Variants in ARHGEF10L observed in about 807,000 individuals in gnomAD.
ARHGEF10L encodes the protein Rho guanine nucleotide exchange factor 10 like, also known as rho guanine nucleotide exchange factor 10-like protein.
ARHGEF10L carries 69 observed loss-of-function variants against 141.2 expected under a neutral mutation model. The observed-to-expected ratio is 0.49, with a 90% CI of 0.40 to 0.60. The LOEUF (loss-of-function observed/expected upper bound fraction) is 0.60. Ranked by LOEUF, ARHGEF10L falls within the 20% of genes least tolerant of loss-of-function variation. The pLI is 0.00. For synonymous variants in ARHGEF10L, 711 were observed against 718.5 expected (o/e 0.99, Z 0.17); for missense variants, 1,482 against 1,734.3 (o/e 0.85, Z 2.58).
rs2080743755 is a variant in ARHGEF10L at position 17,602,152 on chromosome 1, G to T, written c.283G>T (p.Asp95Tyr). 3 of 1,579,822 alleles carry T rather than the reference G, an allele frequency of 1.9e-6. No individual in the cohort carries two copies. The East Asian group carries it at 7.0e-5, about 37-fold the overall frequency. The change falls in exon 5 of 29, where the codon GAT becomes TAT. Residue 95 changes from aspartate (D) to tyrosine (Y), a missense_variant. Asp to Tyr is a radical substitution (Grantham distance 160). This residue lies in a region of ARHGEF10L where 232 missense variants were observed against 225.9 expected (regional missense o/e 1.03). Transcript: ENST00000361221. ...TGVPAWVSNG[D>Y]AADAAFSGAR... is the part of the protein sequence containing the mutation. ...GGTGCCAGCCTGGGTGAGCAATGGG[G>T]ATGCAGCGGACGCAGCCTTCTCCGG...
chr1:17,648,766 A>G, intron 22 of ARHGEF10L, 91 bp downstream of exon 22: 1 of 1,517,328 alleles, frequency 6.6e-7, no homozygotes, highest in East Asian at 2.3e-5. Context: ...GAGCGCCCAC[A>G]GCAGGGAAGG....
chr1:17,661,221 G>C (rs1023723338), intron 25 of ARHGEF10L, among the ~76,000 whole-genome samples: 1 of 152,238 alleles, frequency 6.6e-6, no homozygotes, highest in East Asian at 1.9e-4. Flanking sequence ...GGGATTACAG[G>C]CGCACACCAC....
chr1:17,661,839 G>C (rs1172533396), intron 25 of ARHGEF10L, among the ~76,000 whole-genome samples: 1 of 152,170 alleles, frequency 6.6e-6, no homozygotes, highest in Admixed American at 6.5e-5. Context: ...GGCCGCCTTC[G>C]GGTCACTCGC....
rs368833736 is a variant in ARHGEF10L at position 17,591,691 on chromosome 1, C to T, written c.257+3212C>T. Among the ~76,000 whole-genome samples the T allele has an allele frequency of 4.5e-4, 69 of 151,950 alleles. No individual in the cohort carries two copies. In the East Asian group the frequency reaches 7.1e-3, roughly 16 times the overall value. ...CCTCCCAAAGTGCAGGGATTATAGG[C>T]GTGAGCCACCGCGCCTGGCCTAACT... On this transcript the variant is annotated intron_variant, in intron 4 of 28. Coordinates refer to ENST00000361221, the MANE Select transcript of ARHGEF10L (RefSeq NM_018125.4).
intron 25 of ARHGEF10L, among the ~76,000 whole-genome samples, chr1:17,663,859 G>A (rs1261975997): frequency 6.6e-5 from 10 of 152,200 alleles, no homozygotes; most frequent in Non-Finnish European, 1.3e-4. Flanking sequence ...CAAGTCTCCC[G>A]ATTCCGGGTC....
rs1557894793 is a variant in ARHGEF10L, at chr1:17,637,971, C to T, written c.2011C>T (p.Leu671Phe). The T allele has an allele frequency of 5.0e-6, 8 of 1,598,548 alleles. No homozygotes were observed. In the Admixed American group the frequency reaches 1.2e-4, roughly 24 times the overall value. Residue 671 changes from leucine (L) to phenylalanine (F), a missense_variant, in exon 19 of 29, where the codon CTT (leucine) becomes TTT (phenylalanine). Physicochemically the swap from Leu to Phe is conservative, Grantham distance 22. This residue lies in a region of ARHGEF10L where 858 missense variants were observed against 966.3 expected (regional missense o/e 0.89). Transcript: ENST00000361221. ...CCTGGCCGTGGTGGAGCAGATCACG[C>T]TTCTCATCAGCACGCTGCACGGCAC... Reference protein sequence around the residue: ...KDLAVVEQITLLISTLHGTYQ... With the variant: ...KDLAVVEQITFLISTLHGTYQ...
At chr1:17,609,732 C>T (rs1403251563) in intron 7 of ARHGEF10L, among the ~76,000 whole-genome samples, 4 of 152,120 alleles carry the variant, frequency 2.6e-5, no homozygotes, top group Non-Finnish European at 5.9e-5. Context: ...CCTCTGAGAG[C>T]GGTGAGTTGG....
At chr1:17,642,359 G>A (rs916395389) in intron 21 of ARHGEF10L, among the ~76,000 whole-genome samples, 1 of 152,254 alleles carries the variant, frequency 6.6e-6, no homozygotes, top group Non-Finnish European at 1.5e-5. Flanking sequence ...GGCCAGCACT[G>A]GCAGATGAAG....
chr1:17,656,229 G>A lies in ARHGEF10L; in HGVS notation c.2705+127G>A. The A allele has an allele frequency of 8.3e-7, 1 of 1,199,774 alleles. No homozygotes were observed. The highest frequency in any genetic ancestry group is 1.2e-6 in the Non-Finnish European group (1 of 860,230). The allele number at this position is 1,199,774 out of a possible 1,614,324, so 74.3% of individuals were successfully genotyped here. A position where few individuals can be genotyped will look rare whatever the true frequency, so the allele number is the denominator to read the frequency against. On this transcript the variant is annotated intron_variant, in intron 24 of 28. Transcript: ENST00000361221. The surrounding 1 kb of genome is among the most constrained non-coding windows in gnomAD (Gnocchi z 4.9). ...ATTCTCTGCCCCTGGTCTCCAGGAA[G>A]GTGGGCACCAGAGCTGCCCAGTGTG... is the stretch of plus-strand genomic sequence containing the variant.
intron 4 of ARHGEF10L, among the ~76,000 whole-genome samples, chr1:17,596,395 C>T (rs753976831): frequency 7.2e-5 from 11 of 152,234 alleles, no homozygotes; most frequent in Non-Finnish European, 1.5e-4. Flanking sequence ...GGCTGTCCTA[C>T]GCAAACTCTC....
intron 4 of ARHGEF10L, among the ~76,000 whole-genome samples, chr1:17,600,911 G>A (rs1304213606): frequency 6.6e-6 from 1 of 152,046 alleles, no homozygotes; most frequent in Admixed American, 6.6e-5. Flanking sequence ...TTAGCTGGGT[G>A]TGGTGGCGCA....
At chr1:17,589,643 A>T (rs766207525) in intron 4 of ARHGEF10L, among the ~76,000 whole-genome samples, 8 of 152,154 alleles carry the variant, frequency 5.3e-5, no homozygotes, top group African/African-American at 9.7e-5. Context: ...GCTACTATGT[A>T]ATTAAGGTGA....
Position 17,654,675 on chromosome 1 carries a change from C to A in ARHGEF10L, c.2434C>A (p.Leu812Met). 1 of 1,614,216 alleles carries A rather than the reference C, an allele frequency of 6.2e-7. No homozygotes were observed. The highest frequency in any genetic ancestry group is 8.5e-7 in the Non-Finnish European group (1 of 1,180,036). The change falls in exon 23 of 29, where the codon CTG becomes ATG. Residue 812 changes from leucine (L) to methionine (M), a missense_variant. Physicochemically the swap from Leu to Met is conservative, Grantham distance 15. Around this residue, in one of 3 missense-constraint regions of ARHGEF10L, gnomAD observed 858 missense variants for 966.3 expected, o/e 0.89. Coordinates refer to ENST00000361221, the MANE Select transcript of ARHGEF10L (RefSeq NM_018125.4). The surrounding 1 kb of genome is among the most constrained non-coding windows in gnomAD (Gnocchi z 4.3). ...CCACAGTCCTGTCAACTGTCCCCTG[C>A]TGGGTTTCTCAGCAGTCAGCACCTC... ...LVHSPVNCPL[L>M]GFSAVSTSLP...
intron 21 of ARHGEF10L, among the ~76,000 whole-genome samples, chr1:17,641,662 C>T (rs1372095946): frequency 6.6e-6 from 1 of 151,450 alleles, no homozygotes; most frequent in East Asian, 2.0e-4. Context: ...ACAAAACAAA[C>T]AAAAAGACAT....
At chr1:17,605,721 T>C (rs1362168251) in intron 6 of ARHGEF10L, among the ~76,000 whole-genome samples, 2 of 151,998 alleles carry the variant, frequency 1.3e-5, no homozygotes, top group African/African-American at 4.8e-5. Context: ...ATGGAGGTGG[T>C]TGGGTGCACG....
chr1:17,588,276 C>G (rs2079197024), intron 3 of ARHGEF10L, among the ~76,000 whole-genome samples, 170 bp from the exon 4 acceptor site: 1 of 109,332 alleles, frequency 9.1e-6, no homozygotes, highest in African/African-American at 3.5e-5. Flanking sequence ...GGTAGGGGAG[C>G]TGATGACTGA....
chr1:17,686,628 C>T (rs1271500934), intron 26 of ARHGEF10L, among the ~76,000 whole-genome samples: 1 of 152,076 alleles, frequency 6.6e-6, no homozygotes, highest in Non-Finnish European at 1.5e-5. Flanking sequence ...CAAGTCATGG[C>T]CAGGGCAGGG....
intron 6 of ARHGEF10L, among the ~76,000 whole-genome samples, chr1:17,606,014 C>T (rs1195808761): frequency 6.6e-6 from 1 of 152,168 alleles, no homozygotes; most frequent in African/African-American, 2.4e-5. Context: ...ACTCTTGCCC[C>T]CAACCTCTCG....
rs926789799 is a variant in ARHGEF10L, at chr1:17,619,974, A to G, written c.942+529A>G. Among the ~76,000 whole-genome samples, 10 of 152,008 alleles carry G rather than the reference A, an allele frequency of 6.6e-5. No homozygotes were observed. The highest frequency in any genetic ancestry group is 2.9e-5 in the Non-Finnish European group (2 of 67,986). ...GAGGGTGAAGCCGGTGGGTCAGCTGAGGTCAGGAGTTCGAGACCATCCTGG... is the reference window on the plus strand; with the variant it reads ...GAGGGTGAAGCCGGTGGGTCAGCTGGGGTCAGGAGTTCGAGACCATCCTGG... On this transcript the variant is annotated intron_variant, in intron 10 of 28. Coordinates refer to ENST00000361221, the MANE Select transcript of ARHGEF10L (RefSeq NM_018125.4). This position sits in a 1 kb window ranked among gnomAD's most constrained non-coding sequence, Gnocchi z 5.0.
Sources: gnomAD v4.1 joint callset for allele counts (sites outside exome capture counted in the v4.1 genomes callset) on GRCh38, gnomAD v4.1.1 for gene constraint, gnomAD v4.1.1 regional missense constraint, Gnocchi (gnomAD v3.1) non-coding constraint, MANE v1.5 for transcripts, NCBI Gene and HGNC (gene_info 2026-07-23, HGNC 2026-07-21) for gene names.